Variants in GOSR1 observed in about 807,000 individuals in gnomAD.
The protein encoded by GOSR1 is golgi SNAP receptor complex member 1, also known as 28 kDa Golgi SNARE protein.
Under a neutral mutation model 35.5 loss-of-function variants are expected in GOSR1, and 21 were observed. That is an observed-to-expected ratio of 0.59 (90% CI 0.42 to 0.85). The LOEUF is 0.85. Ranked by LOEUF, GOSR1 falls within the 40% of genes least tolerant of loss-of-function variation. GOSR1 has a pLI of 0.00. For synonymous variants in GOSR1, 94 were observed against 106.6 expected, an observed-to-expected ratio of 0.88 and a Z score of 0.73; for missense variants, 285 against 309.6, an observed-to-expected ratio of 0.92 and a Z score of 0.60.
At chr17:30,491,083 A>G (rs1351604799) in intron 5 of GOSR1, among the ~76,000 whole-genome samples, 2 of 152,218 alleles carry the variant, frequency 1.3e-5, no homozygotes, top group Non-Finnish European at 2.9e-5. Flanking sequence ...TTTCAACAGT[A>G]AGATTGTTGT....
At chr17:30,517,823 G>A (rs1363091925) in intron 7 of GOSR1, among the ~76,000 whole-genome samples, 1 of 152,064 alleles carries the variant, frequency 6.6e-6, no homozygotes, top group Non-Finnish European at 1.5e-5. Context: ...TGATTCATGT[G>A]TCATTTGTTT....
chr17:30,522,441 C>A lies in GOSR1; in HGVS notation c.*63C>A. On this transcript the variant is annotated 3_prime_UTR_variant, in exon 9 of 9. Transcript: ENST00000451249. Reference sequence around the variant, plus strand: ...CACACCCTGGTCTGGAATAAGGAAACATCGGAGGGAGAAGTTGACTGTCTT... The same window carrying A: ...CACACCCTGGTCTGGAATAAGGAAAAATCGGAGGGAGAAGTTGACTGTCTT... 2.2e-6 allele frequency: 3 copies of A among 1,366,798 alleles called. No individual in the cohort carries two copies. The highest frequency in any genetic ancestry group is 3.0e-6 in the Non-Finnish European group (3 of 1,012,744). The allele number at this position is 1,366,798 out of a possible 1,614,324, so 84.7% of individuals were successfully genotyped here.
chr17:30,478,132 C>G (rs1914074554), intron 1 of GOSR1: 1 of 160,438 alleles, frequency 6.2e-6, no homozygotes, highest in Non-Finnish European at 1.3e-5. Flanking sequence ...CTTCTCCCAC[C>G]AAAAAAACCT....
At chr17:30,512,100 G>C (rs1231482628) in intron 7 of GOSR1, among the ~76,000 whole-genome samples, 2 of 152,204 alleles carry the variant, frequency 1.3e-5, no homozygotes, top group East Asian at 3.9e-4. Context: ...AAGAATACAA[G>C]GTTTTGGGTC....
rs1966919240 is a variant in GOSR1, at chr17:30,494,506, G to T, written c.509+1753G>T. The stretch of plus-strand genomic sequence containing the variant: ...ATAATTTCTCTTTCTTTATGTAATT[G>T]TTCTTTTTCACTACTCCCTGATATT... On this transcript the variant is annotated intron_variant, in intron 6 of 8. Coordinates refer to ENST00000451249, the MANE Select transcript of GOSR1 (RefSeq NM_001007025.2). 2.0e-5 allele frequency among the ~76,000 whole-genome samples: 3 copies of T among 151,994 alleles called. No individual in the cohort carries two copies. The South Asian group carries it at 6.2e-4, about 32-fold the overall frequency.
chr17:30,500,222 T>C (rs1007093984), intron 6 of GOSR1, among the ~76,000 whole-genome samples: 12 of 152,212 alleles, frequency 7.9e-5, no homozygotes, highest in Admixed American at 5.9e-4. Context: ...TTCATGTATT[T>C]TGGTCCTATT....
At chr17:30,478,240 AG>A (rs1172124459) in intron 1 of GOSR1, among the ~76,000 whole-genome samples, 1 of 152,274 alleles carries the variant, frequency 6.6e-6, no homozygotes, top group Non-Finnish European at 1.5e-5. Context: ...ATGATCAACA[AG>A]AGCAGAGAAA....
intron 5 of GOSR1, among the ~76,000 whole-genome samples, chr17:30,490,888 C>T (rs74415930): frequency 0.059 from 8,920 of 152,080 alleles, 815 homozygotes; most frequent in African/African-American, 0.2. Flanking sequence ...GTCCCATGGG[C>T]GTCTCATTGA....
chr17:30,486,567 T>C (rs568479536), intron 4 of GOSR1, among the ~76,000 whole-genome samples: 24 of 151,846 alleles, frequency 1.6e-4, no homozygotes, highest in African/African-American at 5.1e-4. Context: ...AGGCAAAATT[T>C]CTGTGAGGTA....
chr17:30,490,683 A>G (rs957196567), intron 5 of GOSR1, among the ~76,000 whole-genome samples: 3 of 152,200 alleles, frequency 2.0e-5, no homozygotes, highest in Non-Finnish European at 4.4e-5. Flanking sequence ...TACAAACAGT[A>G]ATATGTACAA....
chr17:30,489,186 C>T (rs1407026315), intron 4 of GOSR1, among the ~76,000 whole-genome samples: 3 of 152,092 alleles, frequency 2.0e-5, no homozygotes, highest in Non-Finnish European at 4.4e-5. Context: ...GAGTTCAAGA[C>T]CAGCCTGGCC....
chr17:30,485,253 G>T, intron 4 of GOSR1: 1 of 182,456 alleles, frequency 5.5e-6, no homozygotes, highest in Admixed American at 5.5e-5. Context: ...AAATATGGTA[G>T]TACAAATAGG....
chr17:30,526,008 G>A lies in GOSR1; in HGVS notation c.*3630G>A, dbSNP rs570013601. The A allele has an allele frequency of 2.2e-4, 33 of 152,368 alleles. No homozygotes were observed. The highest frequency in any genetic ancestry group is 3.4e-3 in the Middle Eastern group (1 of 296). The allele number at this position is 152,368 out of a possible 1,614,324, so 9.4% of individuals were successfully genotyped here. ...AGAAACCTCCAGCAAGGGAAGAGAG[G>A]TGTGTGTCCACAGGAAGGGGCTCCG... On this transcript the variant is annotated 3_prime_UTR_variant, in exon 9 of 9. Coordinates refer to ENST00000451249, the MANE Select transcript of GOSR1 (RefSeq NM_001007025.2).
In GOSR1 at chr17:30,484,639, T is replaced by TG. The variant is rs781070742; in HGVS notation, c.235-23dup. 1.1e-5 allele frequency: 12 copies of TG among 1,095,062 alleles called. No homozygotes were observed. In the South Asian group the frequency reaches 1.4e-4, roughly 13 times the overall value. 67.8% of individuals were successfully genotyped at this position (1,095,062 alleles called of 1,614,324 possible). On this transcript the variant is annotated intron_variant, in intron 3 of 8. Transcript: ENST00000451249. Reference sequence around the variant, plus strand: ...ATAGTGCTTAGTAAAATATTTTGATTGTTTTTTTTTTCTTTATTTCTAGCT... The same window carrying TG: ...ATAGTGCTTAGTAAAATATTTTGATTGGTTTTTTTTTTCTTTATTTCTAGCT...
intron 7 of GOSR1, among the ~76,000 whole-genome samples, chr17:30,516,172 C>T (rs9900343): frequency 0.61 from 92,475 of 151,864 alleles, 29,487 homozygotes; most frequent in East Asian, 0.83. Flanking sequence ...AATACTAAAA[C>T]GGATAAAGAA....
chr17:30,510,509 T>C (rs1318552448), intron 6 of GOSR1: 1 of 156,410 alleles, frequency 6.4e-6, no homozygotes, highest in African/African-American at 2.4e-5. Context: ...AGGTCAGGAG[T>C]TCAAGACCAC....
intron 6 of GOSR1, among the ~76,000 whole-genome samples, chr17:30,502,071 A>G (rs780618164): frequency 6.6e-5 from 10 of 152,240 alleles, no homozygotes; most frequent in African/African-American, 2.4e-4. Flanking sequence ...ACATGGGGGA[A>G]CTTTAAATGC....
At position 30,494,907 on chromosome 17, in the gene GOSR1, C is replaced by CT. The variant is rs747137586; in HGVS notation, c.509+2168dup. On this transcript the variant is annotated intron_variant, in intron 6 of 8. Transcript: ENST00000451249. ...ACAGGCGTGAGGCAATGTGCCCAGACTTTTTTTTTTTTTTGACTTGAGGGT... is the reference window on the plus strand; with the variant it reads ...ACAGGCGTGAGGCAATGTGCCCAGACTTTTTTTTTTTTTTTGACTTGAGGGT... Among the ~76,000 whole-genome samples, 1,146 of 139,352 alleles carry CT rather than the reference C, an allele frequency of 8.2e-3. 5 individuals are homozygous for CT. The highest frequency in any genetic ancestry group is 0.015 in the African/African-American group (584 of 37,972). The allele number at this position is 139,352 out of a possible 152,430, so 91.4% of individuals were successfully genotyped here.
intron 6 of GOSR1, among the ~76,000 whole-genome samples, chr17:30,497,477 C>T (rs4795555): frequency 0.43 from 65,861 of 151,898 alleles, 15,087 homozygotes; most frequent in East Asian, 0.83. Context: ...TCTGACTTTC[C>T]AGTGTCTTTT....
Sources: gnomAD v4.1 joint callset for allele counts (sites outside exome capture counted in the v4.1 genomes callset) on GRCh38, gnomAD v4.1.1 for gene constraint, MANE v1.5 for transcripts, NCBI Gene and HGNC (gene_info 2026-07-23, HGNC 2026-07-21) for gene names.